POU6F2: variants seen among roughly 807,000 people sequenced by gnomAD.
POU6F2 encodes the protein POU domain, class 6, transcription factor 2.
Under a neutral mutation model 71.3 loss-of-function variants are expected in POU6F2, and 31 were observed. That is an observed-to-expected ratio of 0.43 (90% CI 0.33 to 0.59). The LOEUF is 0.59. POU6F2 is among the 20% of genes least tolerant of loss of function. POU6F2 has a pLI of 0.04. For synonymous variants in POU6F2, 347 were observed against 355.7 expected, an observed-to-expected ratio of 0.98 and a Z score of 0.27; for missense variants, 783 against 856.8, an observed-to-expected ratio of 0.91 and a Z score of 1.07.
chr7:39,209,064 G>T (rs975549696), intron 4 of POU6F2, among the ~76,000 whole-genome samples: 4 of 152,034 alleles, frequency 2.6e-5, no homozygotes, highest in African/African-American at 9.7e-5. Flanking sequence ...TAAAAAAAAA[G>T]TAGGCTTGTT....
intron 2 of POU6F2, among the ~76,000 whole-genome samples, chr7:39,190,720 C>T (rs570743388): frequency 1.3e-5 from 2 of 148,758 alleles, no homozygotes; most frequent in East Asian, 4.1e-4. Flanking sequence ...TCACTGCAAC[C>T]TCCAACTCCT....
intron 2 of POU6F2, among the ~76,000 whole-genome samples, chr7:39,124,866 C>G (rs886559443): frequency 2.0e-5 from 3 of 152,066 alleles, no homozygotes; most frequent in African/African-American, 7.2e-5. Flanking sequence ...GATCCTTAAG[C>G]CTTTATTTTT....
chr7:39,035,859 G>A (rs922588609), intron 1 of POU6F2, among the ~76,000 whole-genome samples: 6 of 152,126 alleles, frequency 3.9e-5, no homozygotes. Flanking sequence ...GTGACCCGTG[G>A]CAGAAGGCCA....
chr7:39,141,517 A>T lies in POU6F2; in HGVS notation c.277+55486A>T, dbSNP rs536896876. On this transcript the variant is annotated intron_variant, in intron 2 of 9. Coordinates refer to ENST00000518318, the MANE Select transcript of POU6F2 (RefSeq NM_001370959.1). ...TGCAAGATATCAATGGCCTCATTTT[A>T]CTAAAGTCTATTGCATTCTTTGTAT... Among the ~76,000 whole-genome samples, 8 of 152,324 alleles carry T rather than the reference A, an allele frequency of 5.3e-5. No homozygotes were observed. The South Asian group carries it at 1.7e-3, about 32-fold the overall frequency.
At chr7:39,379,192 A>G (rs750053611) in intron 5 of POU6F2, among the ~76,000 whole-genome samples, 12 of 152,200 alleles carry the variant, frequency 7.9e-5, no homozygotes, top group Non-Finnish European at 1.5e-4. Context: ...GCTGCGCATC[A>G]TTCTCGTGGA....
chr7:39,283,296 C>A (rs1385110509), intron 4 of POU6F2, among the ~76,000 whole-genome samples: 2 of 151,988 alleles, frequency 1.3e-5, no homozygotes, highest in African/African-American at 2.4e-5. Context: ...AATTACTAAT[C>A]ATTTTTAAGT....
At chr7:39,440,187 T>G (rs897116506) in intron 7 of POU6F2, among the ~76,000 whole-genome samples, 4 of 152,200 alleles carry the variant, frequency 2.6e-5, no homozygotes, top group African/African-American at 9.7e-5. Context: ...ATAAGATATC[T>G]TAATGGTATT....
At position 38,997,742 on chromosome 7, in the gene POU6F2, TACA is replaced by T. The variant is rs200948052; in HGVS notation, c.105+19689_105+19691del. On this transcript the variant is annotated intron_variant, in intron 1 of 9. Coordinates refer to ENST00000518318, the MANE Select transcript of POU6F2 (RefSeq NM_001370959.1). ...TAAGCAAATTTCTTAGCCCTCCAGA[TACA>T]ACAAGGTCCCAGCTGTTATGGACTG... 7.1e-3 allele frequency among the ~76,000 whole-genome samples: 1,086 copies of T among 152,298 alleles called. 10 individuals carry two copies. Among genetic ancestry groups the T allele is most frequent in the African/African-American group, 0.025 (1,046 of 41,550 alleles).
At chr7:39,372,569 G>A in intron 5 of POU6F2, among the ~76,000 whole-genome samples, 1 of 152,130 alleles carries the variant, frequency 6.6e-6, no homozygotes. Flanking sequence ...GATTGGATGA[G>A]GCCCACCCAC....
chr7:39,290,589 T>C (rs566506853), intron 4 of POU6F2, among the ~76,000 whole-genome samples: 1 of 152,384 alleles, frequency 6.6e-6, no homozygotes, highest in South Asian at 2.1e-4. Context: ...TTATCATTTC[T>C]AGGTAAATTT....
chr7:39,016,227 T>C lies in POU6F2; in HGVS notation c.105+38169T>C, dbSNP rs147696482. Among the ~76,000 whole-genome samples, 513 of 144,292 alleles carry C rather than the reference T, an allele frequency of 3.6e-3. 4 individuals are homozygous for C. The highest frequency in any genetic ancestry group is 0.012 in the African/African-American group (487 of 39,292). 94.7% of individuals were successfully genotyped at this position (144,292 alleles called of 152,430 possible). On this transcript the variant is annotated intron_variant, in intron 1 of 9. Transcript: ENST00000518318. ...TGTATATAAGATTACCTATATATAATGCAATATATACTGATTATCTATATA... is the reference window on the plus strand; with the variant it reads ...TGTATATAAGATTACCTATATATAACGCAATATATACTGATTATCTATATA...
intron 1 of POU6F2, among the ~76,000 whole-genome samples, chr7:39,042,931 G>A (rs1790219011): frequency 6.6e-6 from 1 of 151,900 alleles, no homozygotes; most frequent in Non-Finnish European, 1.5e-5. Flanking sequence ...TCCAATCAGA[G>A]GCCTTGCCTT....
chr7:39,459,897 T>C (rs1337502476), intron 8 of POU6F2, among the ~76,000 whole-genome samples: 2 of 152,190 alleles, frequency 1.3e-5, no homozygotes, highest in African/African-American at 4.8e-5. Context: ...AGGCATTTTT[T>C]ATTATGTGCC....
chr7:39,003,348 G>A (rs575118807), intron 1 of POU6F2, among the ~76,000 whole-genome samples: 1 of 151,322 alleles, frequency 6.6e-6, no homozygotes, highest in Non-Finnish European at 1.5e-5. Flanking sequence ...TTTCACCTTT[G>A]ATCTAGTAAT....
intron 1 of POU6F2, chr7:39,013,595 C>G (rs777477994): frequency 6.6e-6 from 1 of 152,258 alleles, no homozygotes; most frequent in Non-Finnish European, 1.5e-5. Flanking sequence ...TTCAGAATGT[C>G]TTGTTCTGTA....
chr7:39,145,188 A>C (rs1792593006), intron 2 of POU6F2, among the ~76,000 whole-genome samples: 1 of 152,232 alleles, frequency 6.6e-6, no homozygotes, highest in Non-Finnish European at 1.5e-5. Context: ...AAATTCACTC[A>C]ATATCAAAAC....
At chr7:39,241,199 A>T (rs1293990280) in intron 4 of POU6F2, among the ~76,000 whole-genome samples, 4 of 152,096 alleles carry the variant, frequency 2.6e-5, no homozygotes, top group Non-Finnish European at 5.9e-5. Context: ...AGTTTAGGAG[A>T]AATGGGTATG....
At chr7:39,136,753 G>A (rs952357328) in intron 2 of POU6F2, among the ~76,000 whole-genome samples, 5 of 151,920 alleles carry the variant, frequency 3.3e-5, no homozygotes, top group African/African-American at 1.2e-4. Context: ...CAGCACTTTG[G>A]GAGGCTGAGA....
At chr7:39,158,675 G>A (rs562827775) in intron 2 of POU6F2, among the ~76,000 whole-genome samples, 3 of 152,198 alleles carry the variant, frequency 2.0e-5, no homozygotes, top group East Asian at 1.9e-4. Context: ...GAGGAAATTC[G>A]CCTTTCCTCT....
Sources: allele counts gnomAD v4.1 joint callset (sites outside exome capture counted in the v4.1 genomes callset), GRCh38; gene constraint gnomAD v4.1.1; transcripts MANE v1.5; gene names NCBI Gene and HGNC (gene_info 2026-07-23, HGNC 2026-07-21).